The following STEAP1B variants were observed in gnomAD, a reference collection of about 807,000 sequenced individuals.
STEAP1B encodes STEAP family member 1B, also known as STEAP family protein MGC87042.
In STEAP1B, 13 loss-of-function variants were observed where a neutral mutation model predicts 27.9. That is an observed-to-expected ratio of 0.47 (90% confidence interval 0.30 to 0.74). The LOEUF is 0.74. Among genes scored for constraint, STEAP1B ranks in the 30% least tolerant of loss-of-function variants. The probability of loss-of-function intolerance (pLI) is 0.06; values close to 1 mark genes in which losing one functional copy is unlikely to be tolerated. For synonymous variants in STEAP1B, 86 were observed against 107.1 expected (o/e 0.80, Z 1.22); for missense variants, 250 against 298.7 (o/e 0.84, Z 1.20).
intron 4 of STEAP1B, among the ~76,000 whole-genome samples, chr7:22,456,042 G>A (rs1287781290): frequency 3.9e-5 from 6 of 152,064 alleles, no homozygotes; most frequent in Admixed American, 2.6e-4. Context: ...AGCTACTCGT[G>A]AGGCTGAGGC....
intron 4 of STEAP1B, among the ~76,000 whole-genome samples, chr7:22,424,462 A>T (rs1266767685): frequency 6.6e-6 from 1 of 152,212 alleles, no homozygotes; most frequent in African/African-American, 2.4e-5. Flanking sequence ...TATAATTGTC[A>T]CCAATTAAAA....
chr7:22,468,104 T>C (rs996759534), intron 4 of STEAP1B, among the ~76,000 whole-genome samples: 3 of 152,328 alleles, frequency 2.0e-5, no homozygotes, highest in African/African-American at 7.2e-5. Flanking sequence ...GCATTCTGTA[T>C]TTTTATTTGC....
At chr7:22,481,526 G>A (rs1441594159) in intron 4 of STEAP1B, among the ~76,000 whole-genome samples, 1 of 152,188 alleles carries the variant, frequency 6.6e-6, no homozygotes, top group Non-Finnish European at 1.5e-5. Context: ...CAGAAATGCA[G>A]AGTATCAGGC....
Position 22,493,549 on chromosome 7 carries a change from A to T in STEAP1B, c.372T>A (p.Thr124=). Residue 124 remains threonine (T), a synonymous_variant, in exon 3 of 5, where the codon ACT becomes ACA. Transcript: ENST00000678116. ...INKVLPMVSI[T]LLALVYLPGV... The stretch of plus-strand genomic sequence containing the variant: ...CTGGTAGGTAAACCAATGCCAAGAG[A>T]GTGATGGAAACCATTGGCAAGACTT... 1 of 1,613,930 alleles carries T rather than the reference A, an allele frequency of 6.2e-7. No individual in the cohort carries two copies. The highest frequency in any genetic ancestry group is 8.5e-7 in the Non-Finnish European group (1 of 1,179,850).
At chr7:22,452,144 TA>T (rs1178233358) in intron 4 of STEAP1B, among the ~76,000 whole-genome samples, 1 of 151,644 alleles carries the variant, frequency 6.6e-6, no homozygotes, top group Non-Finnish European at 1.5e-5. Flanking sequence ...ATAATTGAGG[TA>T]GAAATTACAG....
intron 4 of STEAP1B, among the ~76,000 whole-genome samples, chr7:22,485,519 C>T (rs538833597): frequency 6.6e-6 from 1 of 152,260 alleles, no homozygotes; most frequent in South Asian, 2.1e-4. Context: ...GATAGGTTCT[C>T]ACTCTGTTGC....
intron 4 of STEAP1B, among the ~76,000 whole-genome samples, chr7:22,483,486 G>T (rs1786122379): frequency 6.6e-6 from 1 of 152,088 alleles, no homozygotes; most frequent in African/African-American, 2.4e-5. Context: ...TTTGTTTTTG[G>T]TTTTGTTTTT....
intron 4 of STEAP1B, among the ~76,000 whole-genome samples, chr7:22,478,913 C>T (rs1401915344): frequency 2.0e-5 from 3 of 152,036 alleles, no homozygotes; most frequent in Non-Finnish European, 4.4e-5. Flanking sequence ...TGAGGGGAAC[C>T]GTGGAAGGAA....
intron 4 of STEAP1B, among the ~76,000 whole-genome samples, chr7:22,435,123 T>G (rs1785237982): frequency 6.6e-6 from 1 of 152,092 alleles, no homozygotes; most frequent in Non-Finnish European, 1.5e-5. Flanking sequence ...TCTGGCCAGA[T>G]TTACCGAAAC....
At chr7:22,428,726 T>C (rs931246726) in intron 4 of STEAP1B, among the ~76,000 whole-genome samples, 9 of 151,752 alleles carry the variant, frequency 5.9e-5, no homozygotes, top group Non-Finnish European at 1.0e-4. Flanking sequence ...TCACTTAAAC[T>C]CGGGAGGGGG....
chr7:22,421,827 T>C (rs1455995250), intron 4 of STEAP1B, among the ~76,000 whole-genome samples: 1 of 152,200 alleles, frequency 6.6e-6, no homozygotes, highest in Non-Finnish European at 1.5e-5. Context: ...CAGAAACTCA[T>C]TAGGTACTCA....
intron 4 of STEAP1B, among the ~76,000 whole-genome samples, chr7:22,454,849 G>A (rs28630980): frequency 0.096 from 9,555 of 99,710 alleles, 444 homozygotes; most frequent in East Asian, 0.26. Flanking sequence ...ATATATATAT[G>A]TATATATATA....
intron 4 of STEAP1B, among the ~76,000 whole-genome samples, chr7:22,459,481 C>A (rs539988575): frequency 6.6e-6 from 1 of 152,214 alleles, no homozygotes; most frequent in African/African-American, 2.4e-5. Flanking sequence ...TTGGGTACCA[C>A]GGCCATAAGA....
intron 4 of STEAP1B, among the ~76,000 whole-genome samples, chr7:22,480,637 A>C (rs1422780262): frequency 6.6e-6 from 1 of 152,236 alleles, no homozygotes; most frequent in Admixed American, 6.5e-5. Flanking sequence ...TTCCAGGCAC[A>C]CTGTCTATAC....
chr7:22,432,757 T>C (rs2077295), intron 4 of STEAP1B, among the ~76,000 whole-genome samples: 67,933 of 151,922 alleles, frequency 0.45, 15,305 homozygotes, highest in Middle Eastern at 0.58. Context: ...TGAATGAAAA[T>C]TGAGAAATTA....
At chr7:22,474,941 A>G (rs952812980) in intron 4 of STEAP1B, among the ~76,000 whole-genome samples, 26 of 152,192 alleles carry the variant, frequency 1.7e-4, no homozygotes, top group Non-Finnish European at 4.4e-5. Context: ...CCTGAATCCA[A>G]ATGAGAAACA....
rs189731895 is a variant in STEAP1B, at chr7:22,423,726, T to C, written c.763-3890A>G. On this transcript the variant is annotated intron_variant, in intron 4 of 4. Transcript: ENST00000678116. ...AACTGTGCAAGTTTGTTAAAAATCA[T>C]TGAATTGTCTATTTAAAATAGGCCA... Among the ~76,000 whole-genome samples the C allele has an allele frequency of 6.8e-4, 104 of 152,312 alleles. 1 individual carries two copies. Among genetic ancestry groups the C allele is most frequent in the Middle Eastern group, 6.8e-3 (2 of 294 alleles).
At chr7:22,464,265 T>G (rs920105069) in intron 4 of STEAP1B, among the ~76,000 whole-genome samples, 2 of 152,258 alleles carry the variant, frequency 1.3e-5, no homozygotes, top group South Asian at 4.2e-4. Context: ...CTACAAACCC[T>G]CTCCAGTGAA....
At chr7:22,421,718 C>T (rs1224918472) in intron 4 of STEAP1B, among the ~76,000 whole-genome samples, 1 of 152,164 alleles carries the variant, frequency 6.6e-6, no homozygotes, top group Non-Finnish European at 1.5e-5. Flanking sequence ...TTTTTCTAAA[C>T]TTTTTTTAAG....
Sources: allele counts gnomAD v4.1 joint callset (sites outside exome capture counted in the v4.1 genomes callset), GRCh38; gene constraint gnomAD v4.1.1; transcripts MANE v1.5; gene names NCBI Gene and HGNC (gene_info 2026-07-23, HGNC 2026-07-21).